The following ZDHHC7 variants were observed in gnomAD, a reference collection of about 807,000 sequenced individuals.
ZDHHC7 encodes the protein palmitoyltransferase ZDHHC7.
In ZDHHC7, 12 loss-of-function variants were observed where a neutral mutation model predicts 34.1. That is an observed-to-expected ratio of 0.35 (90% CI 0.23 to 0.57). The LOEUF is 0.57. ZDHHC7 is among the 20% of genes least tolerant of loss of function. The pLI is 0.84. For missense variants in ZDHHC7, 388 were observed against 402.7 expected, an observed-to-expected ratio of 0.96 and a Z score of 0.31; for synonymous variants, 185 against 155.4, an observed-to-expected ratio of 1.19 and a Z score of -1.42.
chr16:85,007,116 G>GC (rs1381367408), intron 1 of ZDHHC7, among the ~76,000 whole-genome samples: 1 of 151,948 alleles, frequency 6.6e-6, no homozygotes, highest in Non-Finnish European at 1.5e-5. Context: ...GGATTCTACT[G>GC]AAAAGTTTTT....
chr16:84,987,271 A>G (rs2072448754), intron 3 of ZDHHC7, among the ~76,000 whole-genome samples: 2 of 152,330 alleles, frequency 1.3e-5, no homozygotes, highest in South Asian at 4.1e-4. Context: ...CAAAGAAGAC[A>G]CACAAATGGC....
chr16:84,976,257 G>C lies in ZDHHC7; in HGVS notation c.*86C>G. The C allele has an allele frequency of 6.5e-7, 1 of 1,530,934 alleles. No individual in the cohort carries two copies. The highest frequency in any genetic ancestry group is 8.9e-7 in the Non-Finnish European group (1 of 1,126,332). The allele number at this position is 1,530,934 out of a possible 1,614,324, so 94.8% of individuals were successfully genotyped here. On this transcript the variant is annotated 3_prime_UTR_variant, in exon 8 of 8. Transcript: ENST00000313732. ...TTGTGTAGGTTCCAGTTGCCCTGTTGGTCACAGATGAGCTGTTGATATCCT... is the reference window on the plus strand; with the variant it reads ...TTGTGTAGGTTCCAGTTGCCCTGTTCGTCACAGATGAGCTGTTGATATCCT...
At chr16:85,004,354 G>A (rs1360404483) in intron 1 of ZDHHC7, among the ~76,000 whole-genome samples, 1 of 151,904 alleles carries the variant, frequency 6.6e-6, no homozygotes, top group Non-Finnish European at 1.5e-5. Context: ...TCTCACCTGG[G>A]GAGTGCTTAG....
upstream of ZDHHC7, chr16:85,011,628 G>C (rs1298746891): frequency 6.6e-6 from 1 of 152,258 alleles, no homozygotes; most frequent in Non-Finnish European, 1.5e-5. Flanking sequence ...AGGGGACCCG[G>C]AGGCTCTTAC....
intron 1 of ZDHHC7, among the ~76,000 whole-genome samples, chr16:84,999,786 C>T (rs1407497572): frequency 6.6e-6 from 1 of 152,110 alleles, no homozygotes; most frequent in Non-Finnish European, 1.5e-5. Context: ...GTGGGTGACA[C>T]AGGCATATGC....
At chr16:84,986,636 A>G (rs1017315267) in intron 3 of ZDHHC7, among the ~76,000 whole-genome samples, 1 of 152,122 alleles carries the variant, frequency 6.6e-6, no homozygotes, top group Non-Finnish European at 1.5e-5. Flanking sequence ...AGCAGGGTTC[A>G]TTGCTCTATC....
chr16:84,986,799 C>A lies in ZDHHC7; in HGVS notation c.315+3505G>T, dbSNP rs2072442679. Among the ~76,000 whole-genome samples, 4 of 152,136 alleles carry A rather than the reference C, an allele frequency of 2.6e-5. No homozygotes were observed. The South Asian group carries it at 6.2e-4, about 24-fold the overall frequency. On this transcript the variant is annotated intron_variant, in intron 3 of 7. Transcript: ENST00000313732. Reference sequence around the variant, plus strand: ...TGGTTTAGAAAAATGACATGAAGTCCCACTGGGGTATCTGCCCCAACCCCT... The same window carrying A: ...TGGTTTAGAAAAATGACATGAAGTCACACTGGGGTATCTGCCCCAACCCCT...
the ZDHHC7 span, among the ~76,000 whole-genome samples, chr16:85,022,653 A>G: frequency 6.6e-6 from 1 of 152,290 alleles, no homozygotes; most frequent in Non-Finnish European, 1.5e-5. Flanking sequence ...AAATAGTCTC[A>G]AAGTATCTTC....
At chr16:85,021,134 G>T in the ZDHHC7 span, among the ~76,000 whole-genome samples, 1,566 of 151,350 alleles carry the variant, frequency 0.01, 35 homozygotes, top group African/African-American at 0.037. Flanking sequence ...AAAAAGGGGG[G>T]GGTGCACAGT....
chr16:84,979,515 A>C (rs9933030), intron 4 of ZDHHC7, among the ~76,000 whole-genome samples: 4,189 of 152,280 alleles, frequency 0.028, 190 homozygotes, highest in African/African-American at 0.094. Flanking sequence ...CGAAAGGTCA[A>C]ACTAAGCCAT....
At chr16:84,997,404 G>A (rs2072593736) in intron 1 of ZDHHC7, among the ~76,000 whole-genome samples, 1 of 150,184 alleles carries the variant, frequency 6.7e-6, no homozygotes. Context: ...GAGTAGCTGG[G>A]ACTACAGGCG....
At chr16:85,027,367 G>A in the ZDHHC7 span, among the ~76,000 whole-genome samples, 1 of 152,166 alleles carries the variant, frequency 6.6e-6, no homozygotes, top group Non-Finnish European at 1.5e-5. Flanking sequence ...GGGATAGGGA[G>A]GGTAACTGAC....
the ZDHHC7 span, among the ~76,000 whole-genome samples, chr16:85,022,809 C>G: frequency 1.3e-5 from 2 of 152,168 alleles, no homozygotes; most frequent in African/African-American, 4.8e-5. Flanking sequence ...AAGATCACAA[C>G]TTCACTATGA....
chr16:85,003,258 G>T (rs368015746), intron 1 of ZDHHC7, among the ~76,000 whole-genome samples: 1 of 152,172 alleles, frequency 6.6e-6, no homozygotes, highest in African/African-American at 2.4e-5. Flanking sequence ...CTGGGTCCAG[G>T]GGGGCGCTGT....
chr16:84,979,063 T>G (rs7192876), intron 5 of ZDHHC7, 126 bp downstream of exon 5: 35,438 of 894,890 alleles, frequency 0.04, 2,412 homozygotes, highest in African/African-American at 0.26. Context: ...GTATTATAAT[T>G]TGAATCCTGG....
At chr16:85,010,508 G>A (rs2072776630) in intron 1 of ZDHHC7, among the ~76,000 whole-genome samples, 3 of 152,156 alleles carry the variant, frequency 2.0e-5, no homozygotes, top group African/African-American at 7.2e-5. Flanking sequence ...GCGCTTAAGT[G>A]CATACACTAA....
chr16:85,000,908 C>T (rs1192181596), intron 1 of ZDHHC7, among the ~76,000 whole-genome samples: 1 of 152,212 alleles, frequency 6.6e-6, no homozygotes, highest in Non-Finnish European at 1.5e-5. Flanking sequence ...ATGAAAACAG[C>T]TACTTCTGGA....
rs144318008 is a variant in ZDHHC7, at chr16:84,987,914, C to G, written c.315+2390G>C. On this transcript the variant is annotated intron_variant, in intron 3 of 7. Transcript: ENST00000313732. ...AGGCGCAGTGGCTCACGCCTGTAAT[C>G]ATCCCAGCACTTCGGGAGGCCGAGG... Among the ~76,000 whole-genome samples, 67 of 152,322 alleles carry G rather than the reference C, an allele frequency of 4.4e-4. No individual in the cohort carries two copies. In the East Asian group the frequency reaches 0.012, roughly 27 times the overall value.
upstream of ZDHHC7, among the ~76,000 whole-genome samples, chr16:85,013,152 A>G (rs2072816153): frequency 6.6e-6 from 1 of 152,124 alleles, no homozygotes. Flanking sequence ...TTCTTCCCAT[A>G]TATAAACCTT....
Sources: gnomAD v4.1 joint callset for allele counts (sites outside exome capture counted in the v4.1 genomes callset) on GRCh38, gnomAD v4.1.1 for gene constraint, MANE v1.5 for transcripts, NCBI Gene and HGNC (gene_info 2026-07-23, HGNC 2026-07-21) for gene names.